Variants in USP14 observed in about 807,000 individuals in gnomAD.
USP14 encodes the protein ubiquitin carboxyl-terminal hydrolase 14.
In USP14, 38 loss-of-function variants were observed where a neutral mutation model predicts 76.5. The observed-to-expected ratio is 0.50, with a 90% CI of 0.38 to 0.65. The LOEUF (loss-of-function observed/expected upper bound fraction) is 0.65. Ranked by LOEUF, USP14 falls within the 30% of genes least tolerant of loss-of-function variation. The pLI is 0.00. For synonymous variants in USP14, 192 were observed against 191.7 expected, an observed-to-expected ratio of 1.00 and a Z score of -0.01; for missense variants, 467 against 586.5, an observed-to-expected ratio of 0.80 and a Z score of 2.10.
intron 5 of USP14, among the ~76,000 whole-genome samples, chr18:185,259 A>G (rs1909896802): frequency 6.6e-6 from 1 of 151,918 alleles, no homozygotes; most frequent in African/African-American, 2.4e-5. Context: ...TCCCGGCTTG[A>G]GCAATTCTTC....
rs574764368 is a variant in USP14, at chr18:199,025, G to T, written c.762-177G>T. 2.1e-3 allele frequency among the ~76,000 whole-genome samples: 314 copies of T among 152,244 alleles called. 2 individuals carry two copies. The highest frequency in any genetic ancestry group is 7.3e-3 in the African/African-American group (305 of 41,548). On this transcript the variant is annotated intron_variant, in intron 9 of 15. Coordinates refer to ENST00000261601, the MANE Select transcript of USP14 (RefSeq NM_005151.4). ...ATTACTCATTGTTGTTTCTAGAATT[G>T]TTGGTAGCCAAATGAACATTCTTAA...
intron 5 of USP14, among the ~76,000 whole-genome samples, chr18:182,834 C>G (rs1460940386): frequency 3.9e-5 from 6 of 152,134 alleles, no homozygotes; most frequent in Non-Finnish European, 8.8e-5. Flanking sequence ...CAGGAGACTG[C>G]AACATACTCA....
chr18:194,669 G>T (rs1204114248), intron 6 of USP14, among the ~76,000 whole-genome samples: 1 of 152,176 alleles, frequency 6.6e-6, no homozygotes, highest in Non-Finnish European at 1.5e-5. Flanking sequence ...GGTGGCTCAT[G>T]CTTGTAATCC....
At chr18:174,273 T>C (rs1031285153) in intron 3 of USP14, among the ~76,000 whole-genome samples, 14 of 150,176 alleles carry the variant, frequency 9.3e-5, no homozygotes, top group Non-Finnish European at 1.6e-4. Context: ...TCTTTCTTTT[T>C]TTTTTTTTTT....
chr18:163,200 G>A (rs986309218), intron 1 of USP14, 108 bp from the exon 2 acceptor site: 3 of 1,002,612 alleles, frequency 3.0e-6, no homozygotes, highest in African/African-American at 3.3e-5. Context: ...ATAGAAAGAT[G>A]AATGACATGT....
intron 10 of USP14, among the ~76,000 whole-genome samples, chr18:200,465 G>A (rs1051640052): frequency 6.6e-6 from 1 of 152,182 alleles, no homozygotes. Context: ...TCTTGCAGTT[G>A]AGGCCCTGGA....
chr18:188,673 T>A (rs1910002163), intron 5 of USP14, among the ~76,000 whole-genome samples: 1 of 151,074 alleles, frequency 6.6e-6, no homozygotes. Context: ...TTTGGGGTAT[T>A]TTATTTTATT....
chr18:194,702 G>A (rs1032030271), intron 6 of USP14, among the ~76,000 whole-genome samples: 3 of 152,082 alleles, frequency 2.0e-5, no homozygotes, highest in East Asian at 1.9e-4. Flanking sequence ...AGGCTGAGGC[G>A]GGCAGATCAC....
chr18:160,884 A>G (rs2144202894), intron 1 of USP14, among the ~76,000 whole-genome samples: 1 of 152,296 alleles, frequency 6.6e-6, no homozygotes. Flanking sequence ...CCTTTCAGGA[A>G]TTACACATTG....
intron 5 of USP14, among the ~76,000 whole-genome samples, chr18:187,604 A>G (rs1909965223): frequency 6.6e-6 from 1 of 152,102 alleles, no homozygotes; most frequent in African/African-American, 2.4e-5. Context: ...TTTCAGTAAG[A>G]TGGATTTTTT....
Position 204,702 on chromosome 18 carries a change from T to TA in USP14, c.1164+11dup. ...TCAGCAGCCAAATACAGTAGGTTCTTACTGCTGACTTTATACTCTTAATAT... is the reference window on the plus strand; with the variant it reads ...TCAGCAGCCAAATACAGTAGGTTCTTAACTGCTGACTTTATACTCTTAATAT... On this transcript the variant is annotated intron_variant, in intron 13 of 15. Coordinates refer to ENST00000261601, the MANE Select transcript of USP14 (RefSeq NM_005151.4). 6.2e-7 allele frequency: 1 copy of TA among 1,609,088 alleles called. No homozygotes were observed. The highest frequency in any genetic ancestry group is 2.2e-5 in the East Asian group (1 of 44,720).
chr18:178,723 A>G (rs1043052849), intron 3 of USP14, among the ~76,000 whole-genome samples: 2 of 152,086 alleles, frequency 1.3e-5, no homozygotes, highest in Non-Finnish European at 1.5e-5. Context: ...GAGCATTTCC[A>G]TTACCCCAGA....
At chr18:176,797 TGTG>T (rs538416155) in intron 3 of USP14, among the ~76,000 whole-genome samples, 40 of 152,182 alleles carry the variant, frequency 2.6e-4, no homozygotes, top group East Asian at 1.2e-3. Flanking sequence ...TAATTGTTGT[TGTG>T]GTATGGTATG....
intron 3 of USP14, among the ~76,000 whole-genome samples, chr18:175,967 A>G (rs1909614986): frequency 6.6e-6 from 1 of 152,084 alleles, no homozygotes; most frequent in South Asian, 2.1e-4. Flanking sequence ...CAGTTTGATA[A>G]TCAGTATTTC....
chr18:186,100 G>A (rs929197816), intron 5 of USP14, among the ~76,000 whole-genome samples: 1 of 151,988 alleles, frequency 6.6e-6, no homozygotes, highest in Non-Finnish European at 1.5e-5. Context: ...CTTTTTCTCA[G>A]CCATCTTCTC....
rs1910729630 is a variant in USP14 at position 213,349 on chromosome 18, C to CATCATCA, written c.*2070_*2071insCAATCAT. ...TTAAAAATTGTAATTAATTCCTTAT[C>CATCATCA]ATCATTATAAAAAGCTTGATTTTTT... On this transcript the variant is annotated 3_prime_UTR_variant, in exon 16 of 16. Coordinates refer to ENST00000261601, the MANE Select transcript of USP14 (RefSeq NM_005151.4). The CATCATCA allele has an allele frequency of 6.6e-6, 1 of 151,854 alleles. No individual in the cohort carries two copies. The highest frequency in any genetic ancestry group is 1.5e-5 in the Non-Finnish European group (1 of 67,948). 9.4% of individuals were successfully genotyped at this position (151,854 alleles called of 1,614,324 possible).
At chr18:208,731 G>C (rs1323213707) in intron 13 of USP14, among the ~76,000 whole-genome samples, 2 of 152,004 alleles carry the variant, frequency 1.3e-5, no homozygotes, top group African/African-American at 4.8e-5. Flanking sequence ...ACACTTACTT[G>C]ATTTAAATTC....
In USP14 at chr18:163,513, C is replaced by T. The variant is rs144290451; in HGVS notation, c.162+60C>T. The T allele has an allele frequency of 4.8e-5, 74 of 1,530,078 alleles. No individual in the cohort carries two copies. The East Asian group carries it at 5.3e-4, about 11-fold the overall frequency. 94.8% of individuals were successfully genotyped at this position (1,530,078 alleles called of 1,614,324 possible). ...TTATTGTATACTTTTTGAAAAATAA[C>T]GCCAGAAAATTATTTAATTTTAATG... On this transcript the variant is annotated intron_variant, in intron 2 of 15. Transcript: ENST00000261601.
intron 10 of USP14, among the ~76,000 whole-genome samples, chr18:200,158 G>A (rs1910347146): frequency 1.3e-5 from 2 of 152,282 alleles, no homozygotes; most frequent in East Asian, 1.9e-4. Flanking sequence ...TAGTTTACAT[G>A]TTTGTTAAGA....
Sources: gnomAD v4.1 joint callset for allele counts (sites outside exome capture counted in the v4.1 genomes callset) on GRCh38, gnomAD v4.1.1 for gene constraint, MANE v1.5 for transcripts, NCBI Gene and HGNC (gene_info 2026-07-23, HGNC 2026-07-21) for gene names.